The following COL11A1 variants were observed in gnomAD, a reference collection of about 807,000 sequenced individuals.
The protein encoded by COL11A1 is collagen alpha-1(XI) chain.
Under a neutral mutation model 265.2 loss-of-function variants are expected in COL11A1, and 74 were observed. The ratio of observed to expected loss-of-function variants is 0.28; its 90% CI spans 0.23 to 0.34. The LOEUF (loss-of-function observed/expected upper bound fraction) is 0.34, where lower values mean the gene tolerates loss of function less well. Among genes scored for constraint, COL11A1 ranks in the 10% least tolerant of loss-of-function variants. The pLI is 1.00. For synonymous variants in COL11A1, 816 were observed against 727.6 expected, an observed-to-expected ratio of 1.12 and a Z score of -1.96; for missense variants, 2,165 against 2,263.6, an observed-to-expected ratio of 0.96 and a Z score of 0.88.
intron 46 of COL11A1, among the ~76,000 whole-genome samples, chr1:102,934,232 G>T (rs1403679554): frequency 6.6e-6 from 1 of 152,314 alleles, no homozygotes; most frequent in East Asian, 1.9e-4. Flanking sequence ...AGAATCAGGA[G>T]CGAGGGCTGA....
chr1:102,885,719 T>C (rs1473172664), intron 63 of COL11A1, among the ~76,000 whole-genome samples: 2 of 152,002 alleles, frequency 1.3e-5, no homozygotes, highest in Non-Finnish European at 2.9e-5. Flanking sequence ...TTTTTAGGAG[T>C]ATATAACATT....
intron 30 of COL11A1, among the ~76,000 whole-genome samples, chr1:102,987,377 T>TG (rs1663676780): frequency 6.6e-6 from 1 of 151,692 alleles, no homozygotes; most frequent in East Asian, 1.9e-4. Flanking sequence ...CTTGCTTTTT[T>TG]TTTTTTAAAT....
intron 31 of COL11A1, among the ~76,000 whole-genome samples, chr1:102,981,234 A>G (rs1190973702): frequency 6.6e-6 from 1 of 152,138 alleles, no homozygotes; most frequent in Non-Finnish European, 1.5e-5. Flanking sequence ...ATATTCACGT[A>G]CTGGGGAAAA....
intron 1 of COL11A1, among the ~76,000 whole-genome samples, chr1:103,095,182 A>G (rs1389606560): frequency 6.6e-6 from 1 of 152,060 alleles, no homozygotes; most frequent in Non-Finnish European, 1.5e-5. Flanking sequence ...ATAACAAACT[A>G]TGGGAATTAT....
At chr1:103,048,556 G>T (rs1363129479) in intron 4 of COL11A1, among the ~76,000 whole-genome samples, 1 of 152,008 alleles carries the variant, frequency 6.6e-6, no homozygotes, top group Non-Finnish European at 1.5e-5. Flanking sequence ...CCAGCTCCTG[G>T]ACTCACTGAT....
chr1:103,039,318 G>A (rs1178927374), intron 4 of COL11A1, among the ~76,000 whole-genome samples: 5 of 152,066 alleles, frequency 3.3e-5, no homozygotes, highest in Non-Finnish European at 7.4e-5. Flanking sequence ...TCAAGAACAG[G>A]ATGAGCTTGC....
At chr1:102,905,264 C>T (rs988225772) in intron 54 of COL11A1, among the ~76,000 whole-genome samples, 5 of 148,994 alleles carry the variant, frequency 3.4e-5, no homozygotes, top group African/African-American at 7.4e-5. Context: ...AGGAGATATA[C>T]CTAATGCTAA....
At chr1:102,966,223 T>C (rs922921347) in intron 37 of COL11A1, among the ~76,000 whole-genome samples, 4 of 152,186 alleles carry the variant, frequency 2.6e-5, no homozygotes, top group East Asian at 3.8e-4. Flanking sequence ...TCCACATAAT[T>C]GTGTGAATAT....
At chr1:103,060,835 C>G (rs1670620827) in intron 4 of COL11A1, among the ~76,000 whole-genome samples, 1 of 151,938 alleles carries the variant, frequency 6.6e-6, no homozygotes, top group African/African-American at 2.4e-5. Flanking sequence ...CATGGTGGTA[C>G]TGGAAGGATC....
intron 4 of COL11A1, among the ~76,000 whole-genome samples, chr1:103,065,552 G>GCAAA (rs1255030508): frequency 3.6e-5 from 3 of 82,926 alleles, no homozygotes; most frequent in African/African-American, 1.2e-4. Flanking sequence ...AAAAAAGAAA[G>GCAAA]CAAACAAACA....
intron 42 of COL11A1, 110 bp downstream of exon 42, chr1:102,946,739 A>G: frequency 1.2e-6 from 1 of 848,870 alleles, no homozygotes; most frequent in Non-Finnish European, 2.0e-6. Flanking sequence ...CATGCCAGAC[A>G]CATATGCAGA....
intron 49 of COL11A1, among the ~76,000 whole-genome samples, chr1:102,919,007 T>C (rs1347600436): frequency 1.3e-5 from 2 of 152,024 alleles, no homozygotes; most frequent in South Asian, 4.1e-4. Flanking sequence ...AAGGAGATGA[T>C]GCAAAGAGAA....
intron 54 of COL11A1, among the ~76,000 whole-genome samples, chr1:102,905,587 A>T (rs1000942685): frequency 6.6e-6 from 1 of 151,432 alleles, no homozygotes; most frequent in Non-Finnish European, 1.5e-5. Context: ...TCATAGTTTA[A>T]TAACTTTATT....
chr1:102,888,510 C>G (rs951153940), intron 62 of COL11A1, 67 bp downstream of exon 62: 3 of 1,451,878 alleles, frequency 2.1e-6, no homozygotes, highest in Non-Finnish European at 1.9e-6. Context: ...CTTATAAGTT[C>G]AGAGAAATCA....
chr1:102,889,323 T>A, intron 59 of COL11A1, 132 bp downstream of exon 59: 1 of 734,866 alleles, frequency 1.4e-6, no homozygotes, highest in Non-Finnish European at 2.4e-6. Context: ...TTTAAGAACA[T>A]TACTGACTTA....
intron 54 of COL11A1, among the ~76,000 whole-genome samples, chr1:102,901,512 T>C (rs926552236): frequency 2.2e-4 from 10 of 45,602 alleles, no homozygotes; most frequent in Admixed American, 1.6e-3. Context: ...TATTCTGTTA[T>C]AGTAGTACAA....
chr1:103,063,098 C>T (rs953363836), intron 4 of COL11A1, among the ~76,000 whole-genome samples: 1 of 151,968 alleles, frequency 6.6e-6, no homozygotes, highest in African/African-American at 2.4e-5. Flanking sequence ...ATTCTATGTT[C>T]ATGGATAGAA....
At chr1:103,028,605 T>C (rs1360162424) in intron 5 of COL11A1, among the ~76,000 whole-genome samples, 1 of 152,110 alleles carries the variant, frequency 6.6e-6, no homozygotes, top group Non-Finnish European at 1.5e-5. Context: ...AATGGAATAA[T>C]TTCAACTTTG....
At position 103,086,809 on chromosome 1, in the gene COL11A1, CTT is replaced by C. The variant is rs35530457; in HGVS notation, c.107-3839_107-3838del. Among the ~76,000 whole-genome samples, 343 of 149,362 alleles carry C rather than the reference CTT, an allele frequency of 2.3e-3. 2 individuals carry two copies. The highest frequency in any genetic ancestry group is 7.8e-3 in the African/African-American group (316 of 40,450). On this transcript the variant is annotated intron_variant, in intron 1 of 66. Coordinates refer to ENST00000370096, the MANE Select transcript of COL11A1 (RefSeq NM_001854.4). ...CATATAATAAAGGTATCAACCAAGC[CTT>C]TTTTTTTTTCCCAAAAAGGCATTTC...
Sources: gnomAD v4.1 joint callset for allele counts (sites outside exome capture counted in the v4.1 genomes callset) on GRCh38, gnomAD v4.1.1 for gene constraint, MANE v1.5 for transcripts, NCBI Gene and HGNC (gene_info 2026-07-23, HGNC 2026-07-21) for gene names.